Variants in RAB3GAP2 observed in about 807,000 individuals in gnomAD.
RAB3GAP2 encodes the protein RAB3 GTPase activating non-catalytic protein subunit 2, also known as rab3 GTPase-activating protein non-catalytic subunit.
In RAB3GAP2, 87 loss-of-function variants were observed where a neutral mutation model predicts 185.3. The observed-to-expected ratio is 0.47, with a 90% CI of 0.39 to 0.56. RAB3GAP2 has a LOEUF of 0.56. Among genes scored for constraint, RAB3GAP2 ranks in the 20% least tolerant of loss-of-function variants. The probability of loss-of-function intolerance (pLI) is 0.00; values close to 1 mark genes in which losing one functional copy is unlikely to be tolerated. For missense variants in RAB3GAP2, 1,492 were observed against 1,638.2 expected (o/e 0.91, Z 1.54); for synonymous variants, 554 against 576.1 (o/e 0.96, Z 0.55).
intron 9 of RAB3GAP2, among the ~76,000 whole-genome samples, chr1:220,201,493 CTTTTTG>C (rs1483598378): frequency 6.6e-6 from 1 of 152,040 alleles, no homozygotes; most frequent in Admixed American, 6.6e-5. Flanking sequence ...GCTACCATTT[CTTTTTG>C]TTTTTGTTTT....
At chr1:220,210,734 T>C (rs1659066899) in intron 6 of RAB3GAP2, 67 bp downstream of exon 6, 8 of 1,446,664 alleles carry the variant, frequency 5.5e-6, no homozygotes, top group South Asian at 2.4e-5. Context: ...ACAAACAGTA[T>C]AAAGGTGATG....
chr1:220,225,860 A>G (rs571725301), intron 2 of RAB3GAP2, among the ~76,000 whole-genome samples: 19 of 152,302 alleles, frequency 1.2e-4, no homozygotes, highest in African/African-American at 4.1e-4. Context: ...TCTACTGAAA[A>G]TAATGAAATA....
At chr1:220,153,432 C>A in intron 32 of RAB3GAP2, 26 bp from the exon 33 acceptor site, 4 of 1,580,900 alleles carry the variant, frequency 2.5e-6, no homozygotes, top group Non-Finnish European at 3.5e-6. Context: ...AGAGATAGAG[C>A]AATGCATTGT....
intron 2 of RAB3GAP2, among the ~76,000 whole-genome samples, chr1:220,223,764 AAAC>A (rs560547252): frequency 5.7e-4 from 86 of 152,122 alleles, no homozygotes; most frequent in African/African-American, 2.0e-3. Flanking sequence ...TTATTTCTGT[AAAC>A]AACAAGTAAA....
Position 220,272,425 on chromosome 1 carries a change from A to G in RAB3GAP2, c.-88T>C, listed in dbSNP as rs937827352. ...ACTGCGGCCGCCACCGAGCCCCAAT[A>G]GCTCTAGCCAAGCAGAAGGCGGAGA... On this transcript the variant is annotated 5_prime_UTR_variant, in exon 1 of 35. Coordinates refer to ENST00000358951, the MANE Select transcript of RAB3GAP2 (RefSeq NM_012414.4). 2 of 845,394 alleles carry G rather than the reference A, an allele frequency of 2.4e-6. No individual in the cohort carries two copies. Among genetic ancestry groups the G allele is most frequent in the Non-Finnish European group, 3.9e-6 (2 of 507,524 alleles). 52.4% of individuals were successfully genotyped at this position (845,394 alleles called of 1,614,324 possible).
intron 1 of RAB3GAP2, among the ~76,000 whole-genome samples, chr1:220,262,556 G>C (rs1182036936): frequency 1.3e-5 from 2 of 152,120 alleles, no homozygotes; most frequent in East Asian, 3.9e-4. Flanking sequence ...CATGTAAGTG[G>C]AATCATATAG....
chr1:220,259,753 AAAC>A (rs1660100374), intron 1 of RAB3GAP2, among the ~76,000 whole-genome samples: 1 of 152,252 alleles, frequency 6.6e-6, no homozygotes, highest in Admixed American at 6.5e-5. Flanking sequence ...TGATCTAATT[AAAC>A]AAAAGAGCTT....
At chr1:220,244,635 G>C (rs985287084) in intron 1 of RAB3GAP2, among the ~76,000 whole-genome samples, 1 of 152,106 alleles carries the variant, frequency 6.6e-6, no homozygotes, top group African/African-American at 2.4e-5. Context: ...TGGAGGTATC[G>C]CATTACAGGA....
intron 1 of RAB3GAP2, chr1:220,266,675 G>A: frequency 6.5e-7 from 1 of 1,533,302 alleles, no homozygotes; most frequent in Non-Finnish European, 9.0e-7. Flanking sequence ...AGCAGCCCTG[G>A]CTCAAGGATT....
At chr1:220,268,870 A>G (rs770590291) in intron 1 of RAB3GAP2, among the ~76,000 whole-genome samples, 1 of 152,222 alleles carries the variant, frequency 6.6e-6, no homozygotes, top group Non-Finnish European at 1.5e-5. Flanking sequence ...TTTAGCACCT[A>G]TAACTGTGCC....
intron 18 of RAB3GAP2, among the ~76,000 whole-genome samples, chr1:220,184,783 G>T (rs1016429126): frequency 2.0e-5 from 3 of 152,020 alleles, no homozygotes; most frequent in Admixed American, 2.0e-4. Flanking sequence ...TGAATGCCTT[G>T]AGGGGTGGGA....
chr1:220,178,024 A>T (rs1056127040), intron 21 of RAB3GAP2, among the ~76,000 whole-genome samples: 1 of 152,216 alleles, frequency 6.6e-6, no homozygotes, highest in African/African-American at 2.4e-5. Flanking sequence ...AAAGACAAAG[A>T]GAGAATTTAG....
chr1:220,242,457 T>C (rs969276768), intron 1 of RAB3GAP2, among the ~76,000 whole-genome samples: 2 of 151,858 alleles, frequency 1.3e-5, no homozygotes, highest in African/African-American at 2.4e-5. Context: ...AAGGCTGATA[T>C]TACCAAAAAA....
intron 26 of RAB3GAP2, 73 bp from the exon 27 acceptor site, chr1:220,164,872 G>A: frequency 7.2e-7 from 1 of 1,397,920 alleles, no homozygotes; most frequent in Non-Finnish European, 9.9e-7. Flanking sequence ...TATCAATGGA[G>A]ACTTCTTACA....
chr1:220,267,773 C>A, intron 1 of RAB3GAP2: 9 of 1,521,110 alleles, frequency 5.9e-6, no homozygotes. Context: ...TTGAAGGACA[C>A]AAGACCCACT....
chr1:220,189,410 G>A (rs1227572065), intron 17 of RAB3GAP2, among the ~76,000 whole-genome samples: 2 of 151,654 alleles, frequency 1.3e-5, no homozygotes, highest in Admixed American at 6.6e-5. Flanking sequence ...TAGTAGAGAC[G>A]GGGTTTCACC....
Position 220,157,956 on chromosome 1 carries a change from C to T in RAB3GAP2, c.3262-80G>A, listed in dbSNP as rs3767655. 13 of 1,061,862 alleles carry T rather than the reference C, an allele frequency of 1.2e-5. 1 individual carries two copies. The highest frequency in any genetic ancestry group is 6.6e-5 in the South Asian group (5 of 75,836). 65.8% of individuals were successfully genotyped at this position (1,061,862 alleles called of 1,614,324 possible). On this transcript the variant is annotated intron_variant, in intron 29 of 34. Coordinates refer to ENST00000358951, the MANE Select transcript of RAB3GAP2 (RefSeq NM_012414.4). ...TGTCAGCCAAACAAGAACCAGGATA[C>T]AATACACTGGTTCAGCTGACTTTCC...
At chr1:220,244,567 T>C (rs564581133) in intron 1 of RAB3GAP2, among the ~76,000 whole-genome samples, 2 of 152,090 alleles carry the variant, frequency 1.3e-5, no homozygotes, top group African/African-American at 4.8e-5. Flanking sequence ...CTAAAATTCA[T>C]ATGGAACAAA....
At chr1:220,221,396 C>T (rs1659304736) in intron 2 of RAB3GAP2, among the ~76,000 whole-genome samples, 1 of 152,130 alleles carries the variant, frequency 6.6e-6, no homozygotes, top group Middle Eastern at 3.2e-3. Flanking sequence ...TTAAAGCAAT[C>T]AGAACACCTG....
Sources: gnomAD v4.1 joint callset for allele counts (sites outside exome capture counted in the v4.1 genomes callset) on GRCh38, gnomAD v4.1.1 for gene constraint, MANE v1.5 for transcripts, NCBI Gene and HGNC (gene_info 2026-07-23, HGNC 2026-07-21) for gene names.